ZMYM2: variants seen among roughly 807,000 people sequenced by gnomAD.
ZMYM2 encodes the protein zinc finger MYM-type protein 2.
Under a neutral mutation model 162.8 loss-of-function variants are expected in ZMYM2, and 56 were observed. That is an observed-to-expected ratio of 0.34 (90% confidence interval 0.28 to 0.43). ZMYM2 has a LOEUF of 0.43. ZMYM2 is among the 20% of genes least tolerant of loss of function. The pLI is 1.00. For synonymous variants in ZMYM2, 510 were observed against 541.6 expected, an observed-to-expected ratio of 0.94 and a Z score of 0.81; for missense variants, 1,275 against 1,621.8, an observed-to-expected ratio of 0.79 and a Z score of 3.67.
chr13:19,955,087 C>T (rs142846098), upstream of ZMYM2, among the ~76,000 whole-genome samples: 1 of 152,138 alleles, frequency 6.6e-6, no homozygotes, highest in East Asian at 1.9e-4. Flanking sequence ...GCTGGGATTA[C>T]AGACATGAGC....
rs368935953 is a variant in ZMYM2, at chr13:20,086,761, A to ATGTG, written c.*755_*758dup. On this transcript the variant is annotated 3_prime_UTR_variant, in exon 25 of 25. Coordinates refer to ENST00000610343, the MANE Select transcript of ZMYM2 (RefSeq NM_197968.4). ...TATATATATGTATATATATGTATGT[A>ATGTG]TGTGTGTGTGTATATATATATATAT... 22 of 116,158 alleles carry ATGTG rather than the reference A, an allele frequency of 1.9e-4. No individual in the cohort carries two copies. The highest frequency in any genetic ancestry group is 3.3e-4 in the Admixed American group (3 of 9,142). 7.2% of individuals were successfully genotyped at this position (116,158 alleles called of 1,614,324 possible). A position where few individuals can be genotyped will look rare whatever the true frequency, so the allele number is the denominator to read the frequency against.
intron 6 of ZMYM2, among the ~76,000 whole-genome samples, chr13:20,015,626 C>T (rs985003196): frequency 7.2e-5 from 11 of 152,126 alleles, no homozygotes; most frequent in Non-Finnish European, 1.5e-4. Context: ...CCTTTTACGT[C>T]TGTTAATTTA....
At chr13:20,078,613 A>G (rs1957683386) in intron 21 of ZMYM2, among the ~76,000 whole-genome samples, 3 of 152,260 alleles carry the variant, frequency 2.0e-5, no homozygotes, top group Admixed American at 1.3e-4. Context: ...GTTTAAGTAG[A>G]TATCTGTCAA....
intron 2 of ZMYM2, among the ~76,000 whole-genome samples, chr13:19,991,398 G>A (rs528536534): frequency 1.3e-5 from 2 of 151,250 alleles, no homozygotes; most frequent in East Asian, 2.0e-4. Flanking sequence ...AGGATTACAG[G>A]TATGAGCCAT....
chr13:19,945,036 A>G, the ZMYM2 span, among the ~76,000 whole-genome samples: 1 of 152,156 alleles, frequency 6.6e-6, no homozygotes, highest in African/African-American at 2.4e-5. Flanking sequence ...AAAAAAGAAA[A>G]ACAAAACCAA....
chr13:19,932,744 A>G, the ZMYM2 span, among the ~76,000 whole-genome samples: 1 of 152,184 alleles, frequency 6.6e-6, no homozygotes, highest in Non-Finnish European at 1.5e-5. Flanking sequence ...TCTACAAGTC[A>G]GGAAAAGAGT....
chr13:19,927,613 G>A, the ZMYM2 span, among the ~76,000 whole-genome samples: 2 of 152,232 alleles, frequency 1.3e-5, no homozygotes, highest in South Asian at 4.1e-4. Context: ...GAATATTCTT[G>A]TAGTCTTTCC....
chr13:19,986,526 C>G (rs1317695527), intron 2 of ZMYM2, among the ~76,000 whole-genome samples: 1 of 151,880 alleles, frequency 6.6e-6, no homozygotes, highest in Non-Finnish European at 1.5e-5. Flanking sequence ...ATAAGATATA[C>G]TAAGGAGAAA....
the ZMYM2 span, among the ~76,000 whole-genome samples, chr13:19,895,623 T>C: frequency 2.0e-5 from 3 of 151,726 alleles, no homozygotes; most frequent in Non-Finnish European, 2.9e-5. Context: ...TAACCCCTTA[T>C]TCCAGTAATC....
rs11413369 is a variant in ZMYM2, at chr13:19,991,624, CT to C, written c.-10-1423del. Among the ~76,000 whole-genome samples the C allele has an allele frequency of 1.2e-3, 164 of 131,360 alleles. No individual in the cohort carries two copies. In the Middle Eastern group the frequency reaches 0.02, roughly 16 times the overall value. The allele number at this position is 131,360 out of a possible 152,430, so 86.2% of individuals were successfully genotyped here. ...CCAGAATTTCTTTTCTTTTCTTTTT[CT>C]TTTTTTTTTTTTTTTCCCATTTTGA... On this transcript the variant is annotated intron_variant, in intron 2 of 24. Coordinates refer to ENST00000610343, the MANE Select transcript of ZMYM2 (RefSeq NM_197968.4).
chr13:19,884,084 G>A, the ZMYM2 span, among the ~76,000 whole-genome samples: 1 of 152,148 alleles, frequency 6.6e-6, no homozygotes, highest in African/African-American at 2.4e-5. Flanking sequence ...TAAAAGTTAA[G>A]TTTCTGCAGG....
the ZMYM2 span, among the ~76,000 whole-genome samples, chr13:19,953,051 G>A: frequency 6.6e-6 from 1 of 152,150 alleles, no homozygotes; most frequent in Non-Finnish European, 1.5e-5. Flanking sequence ...TTTCAGACAT[G>A]TGATGCTTTC....
intron 15 of ZMYM2, 140 bp from the exon 16 acceptor site, chr13:20,059,307 C>G: frequency 2.6e-6 from 2 of 780,186 alleles, no homozygotes; most frequent in Admixed American, 4.0e-5. Context: ...TTTTAAGTTA[C>G]CTAACTTAAA....
intron 2 of ZMYM2, among the ~76,000 whole-genome samples, chr13:19,991,687 A>G (rs1230012603): frequency 6.7e-6 from 1 of 149,888 alleles, no homozygotes; most frequent in Non-Finnish European, 1.5e-5. Flanking sequence ...CTGGAGTGCA[A>G]GGGCACAATC....
At chr13:19,989,629 A>C (rs974314266) in intron 2 of ZMYM2, among the ~76,000 whole-genome samples, 2 of 152,182 alleles carry the variant, frequency 1.3e-5, no homozygotes, top group Non-Finnish European at 2.9e-5. Flanking sequence ...GGAGAATGGA[A>C]TATCCCTTCA....
the ZMYM2 span, among the ~76,000 whole-genome samples, chr13:19,897,287 A>G: frequency 7.1e-4 from 108 of 152,318 alleles, no homozygotes; most frequent in African/African-American, 2.4e-3. Context: ...TGCTTTAAAT[A>G]TAAATAGATT....
rs1958382366 is a variant in ZMYM2, at chr13:20,088,253, C to G, written c.*2239C>G. On this transcript the variant is annotated 3_prime_UTR_variant, in exon 25 of 25. Transcript: ENST00000610343. ...ACTTATTTTATGAGAATTGTTTGTT[C>G]TGTGAAACTCACTTCACCTAGAACA... 4.8e-6 allele frequency: 1 copy of G among 208,190 alleles called. No homozygotes were observed. The highest frequency in any genetic ancestry group is 1.9e-4 in the South Asian group (1 of 5,308). The allele number at this position is 208,190 out of a possible 1,614,324, so 12.9% of individuals were successfully genotyped here. A position where few individuals can be genotyped will look rare whatever the true frequency, so the allele number is the denominator to read the frequency against.
intron 2 of ZMYM2, among the ~76,000 whole-genome samples, 156 bp downstream of exon 2, chr13:19,960,182 A>T (rs1955041950): frequency 6.6e-6 from 1 of 152,158 alleles, no homozygotes. Context: ...ATGGCTGGTG[A>T]GGCAGCTGGG....
chr13:19,974,981 T>C (rs982790655), intron 2 of ZMYM2, among the ~76,000 whole-genome samples: 3 of 152,188 alleles, frequency 2.0e-5, no homozygotes, highest in Non-Finnish European at 4.4e-5. Flanking sequence ...GTAGTATTTT[T>C]GTAGATACAT....
Sources: allele counts gnomAD v4.1 joint callset (sites outside exome capture counted in the v4.1 genomes callset), GRCh38; gene constraint gnomAD v4.1.1; transcripts MANE v1.5; gene names NCBI Gene and HGNC (gene_info 2026-07-23, HGNC 2026-07-21).